Variants in IQSEC1 observed in about 807,000 individuals in gnomAD.
The protein encoded by IQSEC1 is IQ motif and Sec7 domain ArfGEF 1.
A neutral mutation model predicts 91.0 loss-of-function variants in IQSEC1; 31 were observed. The observed-to-expected ratio is 0.34, with a 90% CI of 0.26 to 0.46. The LOEUF is 0.46. IQSEC1 is among the 20% of genes least tolerant of loss of function. IQSEC1 has a pLI of 1.00. For synonymous variants in IQSEC1, 699 were observed against 662.6 expected, an observed-to-expected ratio of 1.05 and a Z score of -0.84; for missense variants, 1,388 against 1,575.6, an observed-to-expected ratio of 0.88 and a Z score of 2.02.
At chr3:13,070,750 G>C (rs1023986468) in intron 1 of IQSEC1, among the ~76,000 whole-genome samples, 14 of 152,248 alleles carry the variant, frequency 9.2e-5, no homozygotes, top group Non-Finnish European at 1.8e-4. Flanking sequence ...CTGGGAGCCT[G>C]AGAGCTGGAG....
intron 1 of IQSEC1, among the ~76,000 whole-genome samples, chr3:13,264,533 C>T (rs965524758): frequency 1.3e-5 from 2 of 152,152 alleles, no homozygotes; most frequent in African/African-American, 4.8e-5. Context: ...TGCCCGGCAC[C>T]CCCTCCTCCC....
intron 1 of IQSEC1, chr3:12,987,046 C>T: frequency 2.3e-6 from 1 of 433,306 alleles, no homozygotes; most frequent in South Asian, 1.6e-5. Context: ...GCCTCCTCTG[C>T]TGCCCACACA....
chr3:13,186,971 T>C (rs769255611), intron 1 of IQSEC1, among the ~76,000 whole-genome samples: 55 of 151,666 alleles, frequency 3.6e-4, no homozygotes, highest in Admixed American at 1.4e-3. Flanking sequence ...CTTACTTCCT[T>C]CCCTCCCTCC....
At chr3:13,229,150 C>T (rs750090694) in intron 1 of IQSEC1, among the ~76,000 whole-genome samples, 4 of 152,186 alleles carry the variant, frequency 2.6e-5, no homozygotes, top group Non-Finnish European at 4.4e-5. Flanking sequence ...AACATCAAAT[C>T]CTGACTGCCT....
intron 2 of IQSEC1, among the ~76,000 whole-genome samples, chr3:13,130,236 C>T (rs540749819): frequency 1.3e-5 from 2 of 149,322 alleles, no homozygotes; most frequent in East Asian, 2.0e-4. Context: ...CCCAGCTACT[C>T]GGAAGGCTAA....
chr3:12,907,087 C>T (rs2125055289), intron 12 of IQSEC1, among the ~76,000 whole-genome samples: 1 of 152,290 alleles, frequency 6.6e-6, no homozygotes. Context: ...TCTTGCCAAG[C>T]CCGGGACGGT....
At chr3:12,907,556 G>T (rs1024768609) in intron 12 of IQSEC1, among the ~76,000 whole-genome samples, 18 of 152,174 alleles carry the variant, frequency 1.2e-4, no homozygotes, top group African/African-American at 4.1e-4. Context: ...TCCTTGAGCA[G>T]CAACACAGCC....
In IQSEC1 at chr3:12,908,845, A is replaced by G. The variant is rs987905796; in HGVS notation, c.2579-320T>C. ...AAAGATTAGCCAGGGTCTTCCACAGAGAGGGCAGTGGTAGGGAGTCCCATG... is the reference window on the plus strand; with the variant it reads ...AAAGATTAGCCAGGGTCTTCCACAGGGAGGGCAGTGGTAGGGAGTCCCATG... On this transcript the variant is annotated intron_variant, in intron 11 of 13. Transcript: ENST00000613206. The surrounding 1 kb of genome is among the most constrained non-coding windows in gnomAD (Gnocchi z 4.9). Among the ~76,000 whole-genome samples, 52 of 152,022 alleles carry G rather than the reference A, an allele frequency of 3.4e-4. No homozygotes were observed. The highest frequency in any genetic ancestry group is 7.2e-4 in the Non-Finnish European group (49 of 67,948).
At chr3:13,240,807 G>A (rs1400766731) in intron 1 of IQSEC1, among the ~76,000 whole-genome samples, 3 of 152,218 alleles carry the variant, frequency 2.0e-5, no homozygotes, top group Non-Finnish European at 4.4e-5. Flanking sequence ...GTTGCGGCAG[G>A]CAGAGGAGAT....
intron 1 of IQSEC1, among the ~76,000 whole-genome samples, chr3:13,249,259 C>T (rs747292814): frequency 6.7e-6 from 1 of 148,672 alleles, no homozygotes; most frequent in Non-Finnish European, 1.5e-5. Context: ...GCAAGCTCTG[C>T]CTCCTAGGTT....
At chr3:13,270,894 A>G (rs1469946676) in intron 1 of IQSEC1, among the ~76,000 whole-genome samples, 1 of 152,222 alleles carries the variant, frequency 6.6e-6, no homozygotes, top group Non-Finnish European at 1.5e-5. Context: ...TGTCTACAAG[A>G]GATTCACTTT....
In IQSEC1 at chr3:12,934,738, G is replaced by T. The variant is rs895854116; in HGVS notation, c.1568+710C>A. 1.1e-4 allele frequency among the ~76,000 whole-genome samples: 17 copies of T among 152,152 alleles called. 1 individual carries two copies. The highest frequency in any genetic ancestry group is 4.1e-4 in the African/African-American group (17 of 41,420). ...GCTATTTTTGGCTGTGCTAAGAATA[G>T]TCTGCTTTAAATACCCATCGCTCCT... On this transcript the variant is annotated intron_variant, in intron 3 of 13. Transcript: ENST00000613206.
intron 2 of IQSEC1, among the ~76,000 whole-genome samples, chr3:13,119,711 A>C (rs966649289): frequency 4.6e-5 from 7 of 152,214 alleles, no homozygotes; most frequent in African/African-American, 1.7e-4. Context: ...TGCACGTGGG[A>C]GCTTCAGGAG....
At chr3:12,911,579 CG>C (rs1695562550) in intron 10 of IQSEC1, 49 bp downstream of exon 10, 1 of 1,375,420 alleles carries the variant, frequency 7.3e-7, no homozygotes, top group African/African-American at 1.4e-5. Context: ...GGAGAAAGAG[CG>C]TAAGCTGGGA....
In IQSEC1 at chr3:12,926,311, A is replaced by T. The variant is rs1172032570; in HGVS notation, c.1569-1569T>A. 1.1e-3 allele frequency among the ~76,000 whole-genome samples: 9 copies of T among 8,174 alleles called. No homozygotes were observed. In the South Asian group the frequency reaches 0.016, roughly 15 times the overall value. 5.4% of individuals were successfully genotyped at this position (8,174 alleles called of 152,430 possible). On this transcript the variant is annotated intron_variant, in intron 3 of 13. Transcript: ENST00000613206. ...GGCGACAGAGCAAGACTCCATGTCA[A>T]AAAAAAAAAAAACAAAAAAGGAGAC...
Position 12,924,484 on chromosome 3 carries a change from T to G in IQSEC1, c.1730+97A>C. The stretch of plus-strand genomic sequence containing the variant: ...GGGGCCCACCACATGTCCCAGCAAG[T>G]AGGGTGGGCCTGGCCCTGTGTGTGC... On this transcript the variant is annotated intron_variant, in intron 4 of 13. Transcript: ENST00000613206. The surrounding 1 kb of genome is among the most constrained non-coding windows in gnomAD (Gnocchi z 6.3). 1.6e-6 allele frequency: 2 copies of G among 1,273,812 alleles called. No individual in the cohort carries two copies. The allele number at this position is 1,273,812 out of a possible 1,614,324, so 78.9% of individuals were successfully genotyped here.
At chr3:13,255,612 T>C (rs1052237102) in intron 1 of IQSEC1, among the ~76,000 whole-genome samples, 1 of 140,194 alleles carries the variant, frequency 7.1e-6, no homozygotes, top group African/African-American at 2.9e-5. Context: ...TTACAGTGTT[T>C]TGGGGTTTTT....
chr3:12,927,346 G>C (rs367593085), intron 3 of IQSEC1, among the ~76,000 whole-genome samples: 25 of 151,366 alleles, frequency 1.7e-4, no homozygotes, highest in Middle Eastern at 3.4e-3. Flanking sequence ...GGCAGTGAGT[G>C]GGGGAGCCGG....
chr3:13,181,188 G>T (rs528210414), intron 1 of IQSEC1, among the ~76,000 whole-genome samples: 1 of 152,174 alleles, frequency 6.6e-6, no homozygotes, highest in African/African-American at 2.4e-5. Context: ...GGAGAATGGC[G>T]CAAACTCGGG....
Sources: gnomAD v4.1 joint callset for allele counts (sites outside exome capture counted in the v4.1 genomes callset) on GRCh38, gnomAD v4.1.1 for gene constraint, Gnocchi (gnomAD v3.1) non-coding constraint, MANE v1.5 for transcripts, NCBI Gene and HGNC (gene_info 2026-07-23, HGNC 2026-07-21) for gene names.